SLC9A5: variants seen among roughly 807,000 people sequenced by gnomAD.
SLC9A5 encodes the protein solute carrier family 9 member A5.
Under a neutral mutation model 91.7 loss-of-function variants are expected in SLC9A5, and 52 were observed. The ratio of observed to expected loss-of-function variants is 0.57; its 90% CI spans 0.45 to 0.71. The LOEUF (loss-of-function observed/expected upper bound fraction) is 0.71, where lower values mean the gene tolerates loss of function less well. SLC9A5 is among the 30% of genes least tolerant of loss of function. SLC9A5 has a pLI of 0.00. For synonymous variants in SLC9A5, 419 were observed against 474.5 expected (o/e 0.88, Z 1.52); for missense variants, 871 against 1,158.9 (o/e 0.75, Z 3.61).
intron 15 of SLC9A5, 67 bp downstream of exon 15, chr16:67,266,292 C>T: frequency 2.1e-6 from 3 of 1,456,060 alleles, no homozygotes; most frequent in Non-Finnish European, 2.8e-6. Context: ...TCACTCATGG[C>T]CTCTACTCCA....
intron 13 of SLC9A5, 46 bp from the exon 14 acceptor site, chr16:67,264,994 T>C (rs1175030086): frequency 1.2e-6 from 2 of 1,600,850 alleles, no homozygotes; most frequent in South Asian, 2.2e-5. Flanking sequence ...AGGGTTGGGG[T>C]GGGAAGCCGG....
At position 67,255,665 on chromosome 16, in the gene SLC9A5, C is replaced by T. The variant is rs1198053378; in HGVS notation, c.734-88C>T. 7.0e-7 allele frequency: 1 copy of T among 1,422,758 alleles called. No individual in the cohort carries two copies. The highest frequency in any genetic ancestry group is 2.0e-5 in the Admixed American group (1 of 50,060). The allele number at this position is 1,422,758 out of a possible 1,614,324, so 88.1% of individuals were successfully genotyped here. ...GAGCCCCTGGGAGTGCGGTGGGCATCATCCCTCACTCCCTGCCAGGCAGCA... is the reference window on the plus strand; with the variant it reads ...GAGCCCCTGGGAGTGCGGTGGGCATTATCCCTCACTCCCTGCCAGGCAGCA... On this transcript the variant is annotated intron_variant, in intron 4 of 15. Transcript: ENST00000299798. This position sits in a 1 kb window ranked among gnomAD's most constrained non-coding sequence, Gnocchi z 4.9.
In SLC9A5 at chr16:67,259,937, G is replaced by A. The variant is rs377060606; in HGVS notation, c.1833G>A (p.Pro611=). 1.8e-4 allele frequency: 289 copies of A among 1,613,918 alleles called. No homozygotes were observed. Among genetic ancestry groups the A allele is most frequent in the Admixed American group, 5.3e-4 (32 of 60,012 alleles). Residue 611 remains proline, a synonymous_variant, in exon 12 of 16, where the codon CCG becomes CCA. Transcript: ENST00000299798. ...HHLLCGGLYK[P]RRRYKASCSR... ...TGCTCTGCGGAGGCCTCTACAAGCC[G>A]CGCCGTAGGGTGAGAGCAGGCAGGC...
intron 15 of SLC9A5, among the ~76,000 whole-genome samples, chr16:67,268,152 C>T (rs2035778626): frequency 6.6e-6 from 1 of 150,670 alleles, no homozygotes; most frequent in African/African-American, 2.4e-5. Context: ...GCTGGGACTA[C>T]AGGCACACAC....
At chr16:67,251,022 A>G (rs2035096061) in intron 1 of SLC9A5, among the ~76,000 whole-genome samples, 1 of 152,246 alleles carries the variant, frequency 6.6e-6, no homozygotes, top group Non-Finnish European at 1.5e-5. Context: ...CTAACATACT[A>G]TGTGTCTGAC....
chr16:67,261,259 C>G (rs1405004508), intron 12 of SLC9A5: 1 of 152,270 alleles, frequency 6.6e-6, no homozygotes, highest in Non-Finnish European at 1.5e-5. Context: ...CCCTGGGGCC[C>G]CACATTGTCC....
chr16:67,254,953 C>G, intron 2 of SLC9A5, 68 bp from the exon 3 acceptor site: 1 of 1,519,076 alleles, frequency 6.6e-7, no homozygotes, highest in Middle Eastern at 2.1e-4. Context: ...TGGGCTTGTT[C>G]CAGGGCGTGC....
chr16:67,255,097 G>A lies in SLC9A5; in HGVS notation c.567G>A (p.Val189=), dbSNP rs759423123. ...TCTCGGCGGTGGACCCCGTGGCCGT[G>A]CTAGCTGTCTTTGAGGAGGTGCACG... is the stretch of plus-strand genomic sequence containing the variant. ...SLISAVDPVA[V]LAVFEEVHVN... Residue 189 remains valine, a synonymous_variant, in exon 3 of 16, where the codon GTG becomes GTA. Transcript: ENST00000299798. The surrounding 1 kb of genome is among the most constrained non-coding windows in gnomAD (Gnocchi z 4.9). The A allele has an allele frequency of 3.7e-6, 6 of 1,613,952 alleles. No individual in the cohort carries two copies. Among genetic ancestry groups the A allele is most frequent in the Non-Finnish European group, 5.1e-6 (6 of 1,180,010 alleles).
chr16:67,259,425 T>C, intron 10 of SLC9A5, 148 bp from the exon 11 acceptor site: 2 of 603,476 alleles, frequency 3.3e-6, no homozygotes, highest in South Asian at 4.0e-5. Context: ...ATAGATTTTG[T>C]GAATTCGATA....
intron 13 of SLC9A5, among the ~76,000 whole-genome samples, 199 bp downstream of exon 13, chr16:67,264,721 G>T (rs1210537867): frequency 6.6e-6 from 1 of 152,194 alleles, no homozygotes; most frequent in Non-Finnish European, 1.5e-5. Flanking sequence ...CAGAGGGGGA[G>T]CAGCCTCTTG....
chr16:67,267,277 G>C (rs1014950648), intron 15 of SLC9A5, among the ~76,000 whole-genome samples: 4 of 151,740 alleles, frequency 2.6e-5, no homozygotes, highest in African/African-American at 9.7e-5. Context: ...GTAGAGATGG[G>C]GTGTCTCCAT....
At position 67,252,590 on chromosome 16, in the gene SLC9A5, T is replaced by C. The variant is rs1334813638; in HGVS notation, c.236T>C (p.Leu79Pro). The C allele has an allele frequency of 8.1e-6, 13 of 1,614,060 alleles. No homozygotes were observed. In the Admixed American group the frequency reaches 2.0e-4, roughly 25 times the overall value. Residue 79 changes from leucine (L) to proline (P), a missense_variant, in exon 2 of 16, where the codon CTG becomes CCG. Around this residue, in one of 3 missense-constraint regions of SLC9A5, gnomAD observed 122 missense variants for 114.5 expected, o/e 1.07. Coordinates refer to ENST00000299798, the MANE Select transcript of SLC9A5 (RefSeq NM_004594.3). This position sits in a 1 kb window ranked among gnomAD's most constrained non-coding sequence, Gnocchi z 4.0. ...KVTSLVPESC[L>P]LILLGLVLGG... ...ACATCTCTGGTCCCTGAGAGCTGCC[T>C]GCTGATTTTGCTGGGCCTGGTGCTA...
chr16:67,252,748 T>C lies in SLC9A5; in HGVS notation c.394T>C (p.Leu132=), dbSNP rs371456290. The change falls in exon 2 of 16, where the codon TTG becomes CTG. Residue 132 remains leucine (L), a synonymous_variant. Transcript: ENST00000299798. The surrounding 1 kb of genome is among the most constrained non-coding windows in gnomAD (Gnocchi z 4.0). ...GCCTAGCAGGCTGTTCTTTGACAAC[T>C]TGGGTGCCATCCTCACCTATGCCGT... ...FMPSRLFFDN[L]GAILTYAVVG... The C allele has an allele frequency of 6.2e-7, 1 of 1,614,192 alleles. No homozygotes were observed. Among genetic ancestry groups the C allele is most frequent in the South Asian group, 1.1e-5 (1 of 91,084 alleles).
chr16:67,265,143 G>A (rs778740243), intron 14 of SLC9A5, 37 bp downstream of exon 14: 1 of 1,602,586 alleles, frequency 6.2e-7, no homozygotes, highest in South Asian at 1.1e-5. Flanking sequence ...GGATGGGAGG[G>A]AGGAGGGAAA....
At chr16:67,261,783 C>T (rs183139678) in intron 12 of SLC9A5, 1 of 152,322 alleles carries the variant, frequency 6.6e-6, no homozygotes, top group African/African-American at 2.4e-5. Flanking sequence ...GACTGTATTC[C>T]AGTGGTGTTG....
chr16:67,252,548 A>G lies in SLC9A5; in HGVS notation c.194A>G (p.His65Arg). ...LVASLAKIVFHLSRKVTSLVP... is the reference protein window; with the variant it reads ...LVASLAKIVFRLSRKVTSLVP... Reference sequence around the variant, plus strand: ...CACTCTTTTTGCATTGCAGTGTTTCACCTGTCTCGGAAAGTAACATCTCTG... The same window carrying G: ...CACTCTTTTTGCATTGCAGTGTTTCGCCTGTCTCGGAAAGTAACATCTCTG... Residue 65 changes from histidine (H) to arginine (R), a missense_variant, in exon 2 of 16, where the codon CAC becomes CGC. Coordinates refer to ENST00000299798, the MANE Select transcript of SLC9A5 (RefSeq NM_004594.3). This position sits in a 1 kb window ranked among gnomAD's most constrained non-coding sequence, Gnocchi z 4.0. 1 of 1,611,030 alleles carries G rather than the reference A, an allele frequency of 6.2e-7. No individual in the cohort carries two copies. Among genetic ancestry groups the G allele is most frequent in the Non-Finnish European group, 8.5e-7 (1 of 1,178,680 alleles).
chr16:67,252,534 C>A lies in SLC9A5; in HGVS notation c.188-8C>A. On this transcript the variant is annotated splice_polypyrimidine_tract_variant and splice_region_variant and intron_variant, in intron 1 of 15. Transcript: ENST00000299798. This position sits in a 1 kb window ranked among gnomAD's most constrained non-coding sequence, Gnocchi z 4.0. ...ACTGATCCATCCTGCACTCTTTTTG[C>A]ATTGCAGTGTTTCACCTGTCTCGGA... 6.2e-7 allele frequency: 1 copy of A among 1,605,490 alleles called. No homozygotes were observed. Among genetic ancestry groups the A allele is most frequent in the Non-Finnish European group, 8.5e-7 (1 of 1,175,766 alleles).
In SLC9A5 at chr16:67,271,514, A is replaced by G; in HGVS notation, c.*304A>G. ...CTTGGGTTGCTGGTCCCCCTTCCCT[A>G]GTGGGTTTTCCCGGGGACTCTATAG... On this transcript the variant is annotated 3_prime_UTR_variant, in exon 16 of 16. Coordinates refer to ENST00000299798, the MANE Select transcript of SLC9A5 (RefSeq NM_004594.3). The G allele has an allele frequency of 2.4e-6, 1 of 408,708 alleles. No homozygotes were observed. The highest frequency in any genetic ancestry group is 4.5e-6 in the Non-Finnish European group (1 of 222,570). 25.3% of individuals were successfully genotyped at this position (408,708 alleles called of 1,614,324 possible).
chr16:67,271,324 T>C lies in SLC9A5; in HGVS notation c.*114T>C, dbSNP rs370010315. ...GCCAGAAGGGCCTGGGTTGAAGTAG[T>C]AATTGGGCTTCCTTGGAGCTAGTCA... is the stretch of plus-strand genomic sequence containing the variant. On this transcript the variant is annotated 3_prime_UTR_variant, in exon 16 of 16. Coordinates refer to ENST00000299798, the MANE Select transcript of SLC9A5 (RefSeq NM_004594.3). The C allele has an allele frequency of 1.1e-6, 1 of 934,500 alleles. No individual in the cohort carries two copies. 57.9% of individuals were successfully genotyped at this position (934,500 alleles called of 1,614,324 possible).
Sources: allele counts gnomAD v4.1 joint callset (sites outside exome capture counted in the v4.1 genomes callset), GRCh38; gene constraint gnomAD v4.1.1; regional missense constraint gnomAD v4.1.1; non-coding constraint Gnocchi (gnomAD v3.1); transcripts MANE v1.5; gene names NCBI Gene and HGNC (gene_info 2026-07-23, HGNC 2026-07-21).